NTM: variants seen among roughly 807,000 people sequenced by gnomAD.
The protein encoded by NTM is IgLON family member 2.
NTM carries 13 observed loss-of-function variants against 42.1 expected under a neutral mutation model. The ratio of observed to expected loss-of-function variants is 0.31; its 90% confidence interval spans 0.20 to 0.49. NTM has a LOEUF of 0.49. NTM is among the 20% of genes least tolerant of loss of function. The probability of loss-of-function intolerance (pLI) is 0.99; values close to 1 mark genes in which losing one functional copy is unlikely to be tolerated. For missense variants in NTM, 373 were observed against 452.8 expected, an observed-to-expected ratio of 0.82 and a Z score of 1.60; for synonymous variants, 187 against 179.2, an observed-to-expected ratio of 1.04 and a Z score of -0.35.
chr11:131,467,163 AAAG>A (rs1358114508), intron 1 of NTM, among the ~76,000 whole-genome samples: 5 of 152,240 alleles, frequency 3.3e-5, no homozygotes, highest in African/African-American at 7.2e-5. Flanking sequence ...GTAGACGAGA[AAAG>A]AAGAGAATGT....
chr11:131,723,823 T>C (rs761092583), intron 1 of NTM, among the ~76,000 whole-genome samples: 7 of 152,076 alleles, frequency 4.6e-5, no homozygotes, highest in Non-Finnish European at 5.9e-5. Flanking sequence ...TTTGTGTGTG[T>C]GTGCATGTGT....
chr11:131,840,632 C>CAAA (rs1199082749), intron 1 of NTM, among the ~76,000 whole-genome samples: 2 of 150,248 alleles, frequency 1.3e-5, no homozygotes, highest in Non-Finnish European at 3.0e-5. Context: ...GACACCTGTC[C>CAAA]AAAAAAAAGA....
chr11:131,567,210 G>T lies in NTM; in HGVS notation c.82+196322G>T, dbSNP rs112280612. Among the ~76,000 whole-genome samples, 301 of 152,268 alleles carry T rather than the reference G, an allele frequency of 2.0e-3. 2 individuals are homozygous for T. Among genetic ancestry groups the T allele is most frequent in the African/African-American group, 7.0e-3 (293 of 41,564 alleles). ...TGGGAAACCTAAAAAAACCCTAGAG[G>T]CCGGGCACAGTGGCTCACGCATGTA... On this transcript the variant is annotated intron_variant, in intron 1 of 8. Coordinates refer to ENST00000683400, the MANE Select transcript of NTM (RefSeq NM_001352005.2).
chr11:132,108,932 C>T (rs1003512299), intron 2 of NTM, among the ~76,000 whole-genome samples: 3 of 152,140 alleles, frequency 2.0e-5, no homozygotes, highest in South Asian at 2.1e-4. Context: ...TCAACTCCCA[C>T]TTATGAGTGA....
chr11:131,776,606 A>G (rs2087024498), intron 1 of NTM, among the ~76,000 whole-genome samples: 2 of 151,994 alleles, frequency 1.3e-5, no homozygotes, highest in Admixed American at 6.5e-5. Context: ...GTCAGCATCT[A>G]CTTCAAGGCT....
At chr11:131,537,391 G>C (rs1208609657) in intron 1 of NTM, 1 of 152,180 alleles carries the variant, frequency 6.6e-6, no homozygotes, top group Non-Finnish European at 1.5e-5. Flanking sequence ...CCACCTTCCG[G>C]TGGGGCACCC....
chr11:131,583,475 G>C lies in NTM; in HGVS notation c.82+212587G>C, dbSNP rs1041720796. 3.3e-5 allele frequency among the ~76,000 whole-genome samples: 5 copies of C among 152,142 alleles called. No homozygotes were observed. The East Asian group carries it at 9.7e-4, about 29-fold the overall frequency. On this transcript the variant is annotated intron_variant, in intron 1 of 8. Transcript: ENST00000683400. Reference sequence around the variant, plus strand: ...AATCATAAACAAACTGCTGTAATTGGGTATTTTTCTTCTGAAGGTCATATG... The same window carrying C: ...AATCATAAACAAACTGCTGTAATTGCGTATTTTTCTTCTGAAGGTCATATG...
intron 2 of NTM, among the ~76,000 whole-genome samples, chr11:132,065,147 G>A (rs115069265): frequency 0.015 from 2,258 of 152,268 alleles, 66 homozygotes; most frequent in African/African-American, 0.052. Flanking sequence ...ATGAAAGCAG[G>A]CTTTGTAAAC....
Position 131,541,358 on chromosome 11 carries a change from C to T in NTM, c.82+170470C>T, listed in dbSNP as rs1238045778. 3.3e-5 allele frequency among the ~76,000 whole-genome samples: 5 copies of T among 152,200 alleles called. 1 individual carries two copies. Among genetic ancestry groups the T allele is most frequent in the Non-Finnish European group, 7.3e-5 (5 of 68,030 alleles). Reference sequence around the variant, plus strand: ...TCCCAGAACGCTCCAGAATTGCTAGCTTTTCCTGGATGCCCTTCTTGGTTG... The same window carrying T: ...TCCCAGAACGCTCCAGAATTGCTAGTTTTTCCTGGATGCCCTTCTTGGTTG... On this transcript the variant is annotated intron_variant, in intron 1 of 8. Transcript: ENST00000683400.
intron 1 of NTM, among the ~76,000 whole-genome samples, chr11:131,905,725 T>C (rs768762853): frequency 1.4e-4 from 22 of 152,134 alleles, no homozygotes; most frequent in Non-Finnish European, 2.5e-4. Flanking sequence ...GTGCACTTCA[T>C]GCAGGGGAGG....
chr11:131,523,539 A>G (rs909029041), intron 1 of NTM, among the ~76,000 whole-genome samples: 7 of 152,194 alleles, frequency 4.6e-5, no homozygotes, highest in African/African-American at 1.7e-4. Flanking sequence ...CTGTAATCCC[A>G]GCACTTTGGG....
At chr11:131,589,566 C>G (rs2059184167) in intron 1 of NTM, among the ~76,000 whole-genome samples, 1 of 152,184 alleles carries the variant, frequency 6.6e-6, no homozygotes, top group Non-Finnish European at 1.5e-5. Flanking sequence ...TTTTTCTCCC[C>G]TCTGGCTTAT....
chr11:131,858,298 T>G (rs1036449029), intron 1 of NTM, among the ~76,000 whole-genome samples: 1 of 152,100 alleles, frequency 6.6e-6, no homozygotes, highest in African/African-American at 2.4e-5. Flanking sequence ...TCTCCCTCTC[T>G]CCCTCTCTCT....
chr11:131,696,141 A>G (rs2075414821), intron 1 of NTM, among the ~76,000 whole-genome samples: 1 of 152,184 alleles, frequency 6.6e-6, no homozygotes, highest in African/African-American at 2.4e-5. Flanking sequence ...ACTTGGGACA[A>G]AAAGAGCTAA....
chr11:131,413,399 G>A (rs768067394), intron 1 of NTM, among the ~76,000 whole-genome samples: 2 of 152,196 alleles, frequency 1.3e-5, no homozygotes, highest in Non-Finnish European at 2.9e-5. Context: ...TGAAGCCGCC[G>A]GAGTGGTGTG....
intron 7 of NTM, among the ~76,000 whole-genome samples, chr11:132,323,052 C>A (rs1481767988): frequency 1.5e-5 from 2 of 130,590 alleles, no homozygotes; most frequent in Admixed American, 7.6e-5. Flanking sequence ...AAATTTATAG[C>A]ACTAAATGCC....
chr11:131,789,887 C>T (rs982429390), intron 1 of NTM, among the ~76,000 whole-genome samples: 31 of 127,730 alleles, frequency 2.4e-4, no homozygotes, highest in African/African-American at 5.1e-4. Context: ...ACCCGGGAGG[C>T]GGAGCTTGCA....
intron 1 of NTM, among the ~76,000 whole-genome samples, chr11:131,410,426 T>C (rs543248400): frequency 7.5e-4 from 112 of 148,462 alleles, no homozygotes; most frequent in Admixed American, 1.2e-3. Context: ...TTTGAGGTTG[T>C]AGTGAGCTAT....
At chr11:131,743,236 T>C (rs1419082980) in intron 1 of NTM, among the ~76,000 whole-genome samples, 3 of 152,036 alleles carry the variant, frequency 2.0e-5, no homozygotes, top group Non-Finnish European at 2.9e-5. Context: ...TTAATGGTTT[T>C]TTTTTTTTCA....
Sources: gnomAD v4.1 joint callset for allele counts (sites outside exome capture counted in the v4.1 genomes callset) on GRCh38, gnomAD v4.1.1 for gene constraint, MANE v1.5 for transcripts, NCBI Gene and HGNC (gene_info 2026-07-23, HGNC 2026-07-21) for gene names.